The following MAP3K7CL variants were observed in gnomAD, a reference collection of about 807,000 sequenced individuals.
MAP3K7CL encodes MAP3K7 C-terminal like.
In MAP3K7CL, 16 loss-of-function variants were observed where a neutral mutation model predicts 18.6. The ratio of observed to expected loss-of-function variants is 0.86; its 90% CI spans 0.58 to 1.31. The LOEUF (loss-of-function observed/expected upper bound fraction) is 1.31. Among genes scored for constraint, MAP3K7CL ranks in the 50% most tolerant of loss-of-function variants. MAP3K7CL has a pLI of 0.00. For missense variants in MAP3K7CL, 163 were observed against 174.4 expected (o/e 0.93, Z 0.37); for synonymous variants, 65 against 66.8 (o/e 0.97, Z 0.13).
intron 4 of MAP3K7CL, among the ~76,000 whole-genome samples, chr21:29,167,761 G>A (rs558690982): frequency 5.4e-5 from 8 of 146,802 alleles, no homozygotes; most frequent in East Asian, 2.1e-4. Context: ...ATGCAGTGGC[G>A]CGATCTCGGC....
rs566800610 is a variant in MAP3K7CL at position 29,174,070 on chromosome 21, T to A, written c.249-642T>A. Among the ~76,000 whole-genome samples, 29 of 152,330 alleles carry A rather than the reference T, an allele frequency of 1.9e-4. 1 individual carries two copies. The highest frequency in any genetic ancestry group is 3.4e-3 in the Middle Eastern group (1 of 294). On this transcript the variant is annotated intron_variant, in intron 4 of 4. Coordinates refer to ENST00000399928, the MANE Select transcript of MAP3K7CL (RefSeq NM_001286620.2). ...CTATTAACTAAGAACTAAGTTTCTT[T>A]AAAGTGTTTTCATTACAATTTTCCT... is the stretch of plus-strand genomic sequence containing the variant.
chr21:29,127,786 C>T (rs1310706061), upstream of MAP3K7CL: 2 of 152,204 alleles, frequency 1.3e-5, no homozygotes, highest in African/African-American at 4.8e-5. Flanking sequence ...AGTGGGCAAT[C>T]CCCAGGCTCA....
At chr21:29,135,834 T>TATTC (rs986389260) in intron 2 of MAP3K7CL, among the ~76,000 whole-genome samples, 5 of 152,164 alleles carry the variant, frequency 3.3e-5, no homozygotes, top group African/African-American at 4.8e-5. Flanking sequence ...TATTTTAAAT[T>TATTC]ATTCCTACCC....
At chr21:29,080,101 T>C (rs1294002279) in intron 1 of MAP3K7CL, among the ~76,000 whole-genome samples, 1 of 152,198 alleles carries the variant, frequency 6.6e-6, no homozygotes, top group East Asian at 1.9e-4. Flanking sequence ...GAGAGAAGGT[T>C]CTCTTGAGCC....
chr21:29,108,445 G>A (rs1008994123), intron 4 of MAP3K7CL, among the ~76,000 whole-genome samples: 1 of 152,084 alleles, frequency 6.6e-6, no homozygotes, highest in Non-Finnish European at 1.5e-5. Context: ...TTTTCTTATG[G>A]CAGCCTAAGC....
chr21:29,123,212 A>C (rs968873204), intron 4 of MAP3K7CL, among the ~76,000 whole-genome samples: 2 of 151,880 alleles, frequency 1.3e-5, no homozygotes, highest in Non-Finnish European at 2.9e-5. Context: ...ACAGGTGCCC[A>C]CCACCAGGCC....
intron 3 of MAP3K7CL, among the ~76,000 whole-genome samples, chr21:29,153,942 T>A (rs547116952): frequency 1.3e-5 from 2 of 152,336 alleles, no homozygotes; most frequent in East Asian, 1.9e-4. Context: ...TGGTCTTAAC[T>A]TCATTGGAAT....
At chr21:29,111,640 A>G (rs1026194795) in intron 4 of MAP3K7CL, among the ~76,000 whole-genome samples, 9 of 152,196 alleles carry the variant, frequency 5.9e-5, no homozygotes, top group Non-Finnish European at 1.3e-4. Flanking sequence ...AGGCTGGTGT[A>G]GGGAGACAGC....
chr21:29,169,657 C>T (rs1298375257), intron 4 of MAP3K7CL, among the ~76,000 whole-genome samples: 1 of 152,120 alleles, frequency 6.6e-6, no homozygotes, highest in East Asian at 1.9e-4. Context: ...GGCCAAGATC[C>T]CTTGTAGTGG....
chr21:29,077,707 A>T (rs1259347853), exon 1 of MAP3K7CL: 2 of 152,858 alleles, frequency 1.3e-5, no homozygotes, highest in Admixed American at 1.3e-4. Context: ...AGATTAAGAC[A>T]TGGGAGGTAT....
At chr21:29,089,270 G>T (rs545442150) in intron 1 of MAP3K7CL, among the ~76,000 whole-genome samples, 17 of 150,226 alleles carry the variant, frequency 1.1e-4, no homozygotes, top group Non-Finnish European at 2.2e-4. Context: ...TCAAGAAACT[G>T]GGAGAAGACT....
chr21:29,122,283 T>C (rs7277028), intron 4 of MAP3K7CL: 72,235 of 151,914 alleles, frequency 0.48, 17,514 homozygotes, highest in East Asian at 0.67. Flanking sequence ...TGCGGCCCTG[T>C]GACAGCATCT....
At chr21:29,132,675 A>G (rs2086802089) in intron 1 of MAP3K7CL, among the ~76,000 whole-genome samples, 1 of 151,848 alleles carries the variant, frequency 6.6e-6, no homozygotes, top group Admixed American at 6.6e-5. Context: ...ATGCCCCACT[A>G]ATTTTTGAAT....
intron 2 of MAP3K7CL, among the ~76,000 whole-genome samples, chr21:29,144,956 G>A (rs912939418): frequency 1.7e-4 from 26 of 152,164 alleles, no homozygotes; most frequent in African/African-American, 6.3e-4. Flanking sequence ...TCTAGCTTAA[G>A]GACGTTGGCT....
At chr21:29,128,757 G>A (rs144433508), upstream of MAP3K7CL, among the ~76,000 whole-genome samples, 5 of 152,266 alleles carry the variant, frequency 3.3e-5, no homozygotes, top group East Asian at 9.6e-4. Context: ...TTGCTCATCT[G>A]TCAAATCGGG....
chr21:29,125,140 T>C lies in MAP3K7CL; in HGVS notation c.371-24049T>C, dbSNP rs545622836. On this transcript the variant is annotated intron_variant, in intron 4 of 6. Coordinates refer to the MAP3K7CL transcript ENST00000286791. The stretch of plus-strand genomic sequence containing the variant: ...CTTGAAAAAATGATTTCTATTTACA[T>C]AGTGCCTGTTTTATTTCTGGCATTG... Among the ~76,000 whole-genome samples, 4 of 152,364 alleles carry C rather than the reference T, an allele frequency of 2.6e-5. No homozygotes were observed. The South Asian group carries it at 8.3e-4, about 32-fold the overall frequency.
intron 1 of MAP3K7CL, among the ~76,000 whole-genome samples, chr21:29,088,482 T>G (rs983278496): frequency 7.2e-5 from 11 of 152,234 alleles, no homozygotes; most frequent in African/African-American, 2.2e-4. Flanking sequence ...AAGCTCTCCT[T>G]AAGTTATTTT....
At chr21:29,119,300 T>C (rs2086554514) in intron 4 of MAP3K7CL, among the ~76,000 whole-genome samples, 1 of 152,226 alleles carries the variant, frequency 6.6e-6, no homozygotes, top group Non-Finnish European at 1.5e-5. Flanking sequence ...TAAATTTTTG[T>C]TTGTTTGTTT....
intron 4 of MAP3K7CL, among the ~76,000 whole-genome samples, chr21:29,108,585 TAGA>T (rs1459521800): frequency 1.3e-5 from 2 of 152,206 alleles, no homozygotes; most frequent in African/African-American, 4.8e-5. Flanking sequence ...AATGTAACCT[TAGA>T]AGAACTGAAT....
Sources: gnomAD v4.1 joint callset for allele counts (sites outside exome capture counted in the v4.1 genomes callset) on GRCh38, gnomAD v4.1.1 for gene constraint, MANE v1.5 for transcripts, NCBI Gene and HGNC (gene_info 2026-07-23, HGNC 2026-07-21) for gene names.